SPG11: variants seen among roughly 807,000 people sequenced by gnomAD.
SPG11 encodes spatacsin.
A neutral mutation model predicts 274.0 loss-of-function variants in SPG11; 222 were observed. That is an observed-to-expected ratio of 0.81 (90% CI 0.73 to 0.91). SPG11 has a LOEUF of 0.91. SPG11 is among the 40% of genes least tolerant of loss of function. The pLI, the probability that SPG11 is intolerant of heterozygous loss-of-function variation, is 0.00. For missense variants in SPG11, 3,114 were observed against 2,872.7 expected, an observed-to-expected ratio of 1.08 and a Z score of -1.92; for synonymous variants, 1,144 against 1,039.7, an observed-to-expected ratio of 1.10 and a Z score of -1.93.
intron 20 of SPG11, among the ~76,000 whole-genome samples, chr15:44,601,550 G>C (rs1176239725): frequency 6.8e-6 from 1 of 147,266 alleles, no homozygotes; most frequent in Non-Finnish European, 1.5e-5. Context: ...CGTGCGCCCA[G>C]CCTCTTCTTT....
Position 44,633,324 on chromosome 15 carries a change from C to CAAAAA in SPG11, c.1735+176_1735+180dup, listed in dbSNP as rs531787427. 49 of 108,902 alleles carry CAAAAA rather than the reference C, an allele frequency of 4.5e-4. 4 individuals carry two copies. The highest frequency in any genetic ancestry group is 8.9e-4 in the Admixed American group (4 of 4,472). 6.7% of individuals were successfully genotyped at this position (108,902 alleles called of 1,614,324 possible). ...TAGGCAACAGAGTGAGACTCTGTCT[C>CAAAAA]AAAAAAAAAAAAAAAAAAAAAAAAA... On this transcript the variant is annotated intron_variant, in intron 8 of 39. Transcript: ENST00000261866.
rs1168371801 is a variant in SPG11 at position 44,589,359 on chromosome 15, T to TC, written c.4798dup (p.Asp1600GlyfsTer15). ...AAGCTTCAAAAGGAAACACACCTGA[T>TC]CCTCCAGCCACATGGCAGGGATGAC... On this transcript the variant is annotated frameshift_variant, in exon 28 of 40. Coordinates refer to ENST00000261866, the MANE Select transcript of SPG11 (RefSeq NM_025137.4). LOFTEE classifies it high-confidence loss of function. 1.2e-6 allele frequency: 2 copies of TC among 1,614,002 alleles called. No homozygotes were observed. The highest frequency in any genetic ancestry group is 2.7e-5 in the African/African-American group (2 of 74,922).
chr15:44,657,485 C>T (rs770585581), intron 3 of SPG11, among the ~76,000 whole-genome samples, 189 bp from the exon 4 acceptor site: 1 of 152,112 alleles, frequency 6.6e-6, no homozygotes, highest in Non-Finnish European at 1.5e-5. Flanking sequence ...AATAAAGAAC[C>T]TGATACCAAG....
chr15:44,570,516 GCTA>G lies in SPG11; in HGVS notation c.6477+6_6477+8del, dbSNP rs748324376. ...CAGGATGGAGACTGGGGTTGAGGGG[GCTA>G]CTTACCACCAGCCCATACTCCTCAC... On this transcript the variant is annotated splice_donor_region_variant and intron_variant, in intron 34 of 39. Transcript: ENST00000261866. 22 of 1,613,872 alleles carry G rather than the reference GCTA, an allele frequency of 1.4e-5. No individual in the cohort carries two copies. In the Admixed American group the frequency reaches 3.7e-4, roughly 27 times the overall value.
intron 8 of SPG11, among the ~76,000 whole-genome samples, chr15:44,630,346 C>T (rs567841003): frequency 5.9e-5 from 9 of 152,294 alleles, no homozygotes; most frequent in African/African-American, 2.2e-4. Context: ...GTCCCATCTC[C>T]ACCCTTTAGA....
At chr15:44,604,644 A>G (rs1280496358) in intron 20 of SPG11, among the ~76,000 whole-genome samples, 1 of 152,128 alleles carries the variant, frequency 6.6e-6, no homozygotes, top group African/African-American at 2.4e-5. Context: ...ATAAATATGT[A>G]TTGGTTGGGT....
At chr15:44,606,528 G>A (rs2140995348) in intron 19 of SPG11, among the ~76,000 whole-genome samples, 1 of 152,286 alleles carries the variant, frequency 6.6e-6, no homozygotes, top group Middle Eastern at 3.4e-3. Context: ...ATAAATGGTT[G>A]AAGGAATGTG....
At chr15:44,629,003 G>T (rs1749071113) in intron 9 of SPG11, among the ~76,000 whole-genome samples, 159 bp from the exon 10 acceptor site, 1 of 152,188 alleles carries the variant, frequency 6.6e-6, no homozygotes, top group South Asian at 2.1e-4. Context: ...AAGTAGCTCT[G>T]TATTTTAATA....
intron 30 of SPG11, among the ~76,000 whole-genome samples, chr15:44,582,573 A>G (rs1269739022): frequency 1.3e-5 from 2 of 152,144 alleles, no homozygotes; most frequent in Non-Finnish European, 2.9e-5. Flanking sequence ...ACAATAAAGA[A>G]AATTACAGAA....
At chr15:44,573,788 A>C in intron 31 of SPG11, 43 bp from the exon 32 acceptor site, 2 of 1,601,872 alleles carry the variant, frequency 1.2e-6, no homozygotes, top group Non-Finnish European at 1.7e-6. Flanking sequence ...TTTAGAAGCC[A>C]GGAAAAAGCA....
intron 1 of SPG11, among the ~76,000 whole-genome samples, chr15:44,662,739 T>C (rs1402719471): frequency 6.6e-6 from 1 of 151,328 alleles, no homozygotes; most frequent in East Asian, 1.9e-4. Context: ...TCTTAAGTAC[T>C]GAACCAAGAG....
At chr15:44,616,227 G>A (rs1595884838) in intron 15 of SPG11, among the ~76,000 whole-genome samples, 1 of 133,556 alleles carries the variant, frequency 7.5e-6, no homozygotes, top group East Asian at 2.1e-4. Context: ...TTTTTTTTTG[G>A]CAGGGTCTTG....
Position 44,660,554 on chromosome 15 carries a change from A to G in SPG11, c.320T>C (p.Leu107Pro). 1 of 1,614,196 alleles carries G rather than the reference A, an allele frequency of 6.2e-7. No individual in the cohort carries two copies. Among genetic ancestry groups the G allele is most frequent in the Non-Finnish European group, 8.5e-7 (1 of 1,180,022 alleles). ...TPTEKPKLLA[L>P]GENYELLIYE... is the part of the protein sequence containing the mutation. ...GATAAGCAGTTCATAATTTTCACCAAGAGCGAGCAGTTTGGGCTTTTCAGT... is the reference window on the plus strand; with the variant it reads ...GATAAGCAGTTCATAATTTTCACCAGGAGCGAGCAGTTTGGGCTTTTCAGT... Residue 107 changes from leucine to proline, a missense_variant, in exon 2 of 40, where the codon CTT becomes CCT. Coordinates refer to ENST00000261866, the MANE Select transcript of SPG11 (RefSeq NM_025137.4).
At chr15:44,603,727 T>C (rs1197180897) in intron 20 of SPG11, among the ~76,000 whole-genome samples, 2 of 152,196 alleles carry the variant, frequency 1.3e-5, no homozygotes, top group Admixed American at 6.5e-5. Context: ...CCCTGTAAAA[T>C]AGCATAGTAT....
intron 7 of SPG11, among the ~76,000 whole-genome samples, chr15:44,641,744 C>T (rs543636435): frequency 2.8e-4 from 42 of 151,462 alleles, no homozygotes; most frequent in Middle Eastern, 3.4e-3. Flanking sequence ...AATGAGAAAC[C>T]ATACACTGCT....
At position 44,585,706 on chromosome 15, in the gene SPG11, C is replaced by T. The variant is rs1246588564; in HGVS notation, c.5051G>A (p.Gly1684Glu). 1.9e-6 allele frequency: 3 copies of T among 1,613,600 alleles called. No homozygotes were observed. The highest frequency in any genetic ancestry group is 2.2e-5 in the East Asian group (1 of 44,882). The change falls in exon 29 of 40, where the codon GGA (glycine) becomes GAA (glutamate). Residue 1684 changes from glycine to glutamate, a missense_variant. Transcript: ENST00000261866. ...TACCCTCCTGGCCAAAGCGAATTGT[C>T]CATCTGTCTGCAGTCTTTCCAAAAT... ...RSILERLQTD[G>E]QFALARRVAE...
In SPG11 at chr15:44,600,474, T is replaced by G; in HGVS notation, c.3679A>C (p.Lys1227Gln). 1 of 1,614,006 alleles carries G rather than the reference T, an allele frequency of 6.2e-7. No individual in the cohort carries two copies. The highest frequency in any genetic ancestry group is 8.5e-7 in the Non-Finnish European group (1 of 1,179,956). Reference protein sequence around the residue: ...VQELIKSKTPKQLIQQVGNEA... With the variant: ...VQELIKSKTPQQLIQQVGNEA... ...TATATTTTAAATACTCACAGCTGCT[T>G]GGGAGTCTTGCTCTTGATTAATTCC... The change falls in exon 21 of 40, where the codon AAG (lysine) becomes CAG (glutamine). Residue 1227 changes from lysine to glutamine, a missense_variant. Lys to Gln is a moderately conservative substitution (Grantham distance 53). Transcript: ENST00000261866.
intron 2 of SPG11, 84 bp from the exon 3 acceptor site, chr15:44,659,387 A>G (rs933665603): frequency 8.1e-7 from 1 of 1,232,624 alleles, no homozygotes; most frequent in Non-Finnish European, 1.2e-6. Context: ...CTAATACAAA[A>G]AAGTAAAACA....
At chr15:44,653,796 C>A (rs1162914320) in intron 4 of SPG11, among the ~76,000 whole-genome samples, 1 of 152,126 alleles carries the variant, frequency 6.6e-6, no homozygotes, top group African/African-American at 2.4e-5. Flanking sequence ...CCTGAAACTG[C>A]AGATAGTACC....
Sources: allele counts gnomAD v4.1 joint callset (sites outside exome capture counted in the v4.1 genomes callset), GRCh38; gene constraint gnomAD v4.1.1; transcripts MANE v1.5; gene names NCBI Gene and HGNC (gene_info 2026-07-23, HGNC 2026-07-21).